The following LINGO2 variants were observed in gnomAD, a reference collection of about 807,000 sequenced individuals.
LINGO2 encodes leucine-rich repeat and immunoglobulin-like domain-containing nogo receptor-interacting protein 2.
In LINGO2, 14 loss-of-function variants were observed where a neutral mutation model predicts 30.6. That is an observed-to-expected ratio of 0.46 (90% CI 0.30 to 0.72). The LOEUF is 0.72. Ranked by LOEUF, LINGO2 falls within the 30% of genes least tolerant of loss-of-function variation. The pLI is 0.07. For missense variants in LINGO2, 729 were observed against 751.7 expected (o/e 0.97, Z 0.35); for synonymous variants, 317 against 288.5 (o/e 1.10, Z -1.00).
In LINGO2 at chr9:28,072,493, A is replaced by G. The variant is rs142597067; in HGVS notation, c.-86-60088T>C. Among the ~76,000 whole-genome samples, 58 of 152,326 alleles carry G rather than the reference A, an allele frequency of 3.8e-4. 2 individuals carry two copies. The East Asian group carries it at 0.011, about 28-fold the overall frequency. ...GTACAGAAATGGATCTTGATGAACTATTTCAGCTAGACTAGACCTGTCAGG... is the reference window on the plus strand; with the variant it reads ...GTACAGAAATGGATCTTGATGAACTGTTTCAGCTAGACTAGACCTGTCAGG... On this transcript the variant is annotated intron_variant, in intron 4 of 5. Coordinates refer to ENST00000379992, the Ensembl canonical transcript of LINGO2.
chr9:28,752,816 A>T, the LINGO2 span, among the ~76,000 whole-genome samples: 21 of 152,176 alleles, frequency 1.4e-4, no homozygotes, highest in East Asian at 3.9e-3. Context: ...GGAGTGTGAC[A>T]GCCTAATTAA....
At chr9:28,401,861 T>C (rs1252811440) in intron 2 of LINGO2, among the ~76,000 whole-genome samples, 2 of 152,230 alleles carry the variant, frequency 1.3e-5, no homozygotes, top group Admixed American at 6.5e-5. Context: ...CACTGTGGTT[T>C]TGATTCGTAT....
chr9:28,629,207 T>C (rs1826820711), intron 1 of LINGO2, among the ~76,000 whole-genome samples: 2 of 152,024 alleles, frequency 1.3e-5, no homozygotes, highest in Admixed American at 1.3e-4. Flanking sequence ...AGATGGGTGA[T>C]GTGCCGCTCC....
chr9:29,174,957 G>C, the LINGO2 span, among the ~76,000 whole-genome samples: 1 of 152,166 alleles, frequency 6.6e-6, no homozygotes, highest in African/African-American at 2.4e-5. Context: ...AGTTCTCTGA[G>C]CCTTTCATTA....
At chr9:29,120,835 T>C in the LINGO2 span, among the ~76,000 whole-genome samples, 5 of 152,192 alleles carry the variant, frequency 3.3e-5, no homozygotes, top group African/African-American at 1.2e-4. Flanking sequence ...ATAAAGTTCA[T>C]TAGTAGAACT....
the LINGO2 span, among the ~76,000 whole-genome samples, chr9:29,194,259 C>T: frequency 5.3e-5 from 8 of 152,134 alleles, no homozygotes; most frequent in African/African-American, 1.9e-4. Context: ...AAGCACCCCC[C>T]GGAGCCCATG....
At chr9:28,833,783 G>A in the LINGO2 span, among the ~76,000 whole-genome samples, 18,210 of 152,130 alleles carry the variant, frequency 0.12, 1,386 homozygotes, top group Non-Finnish European at 0.17. Context: ...AAGAAAGCAC[G>A]TTTCTATTTA....
intron 4 of LINGO2, among the ~76,000 whole-genome samples, chr9:28,244,838 A>G (rs1225232182): frequency 6.6e-6 from 1 of 150,506 alleles, no homozygotes; most frequent in Non-Finnish European, 1.5e-5. Flanking sequence ...AAAAAAGCCC[A>G]GGACCACATG....
the LINGO2 span, among the ~76,000 whole-genome samples, chr9:28,688,837 C>T: frequency 6.6e-6 from 1 of 152,110 alleles, no homozygotes; most frequent in African/African-American, 2.4e-5. Flanking sequence ...TATTACTATA[C>T]AGATATCTGT....
At chr9:28,863,999 C>G in the LINGO2 span, among the ~76,000 whole-genome samples, 5 of 151,988 alleles carry the variant, frequency 3.3e-5, no homozygotes, top group Non-Finnish European at 7.4e-5. Flanking sequence ...GGGTTCTGCT[C>G]ATCAAAATAA....
chr9:28,916,117 G>A, the LINGO2 span, among the ~76,000 whole-genome samples: 1 of 152,126 alleles, frequency 6.6e-6, no homozygotes, highest in East Asian at 1.9e-4. Flanking sequence ...ATTCAGGCAT[G>A]ATTGACCAGC....
At chr9:28,929,508 A>C in the LINGO2 span, among the ~76,000 whole-genome samples, 1 of 152,134 alleles carries the variant, frequency 6.6e-6, no homozygotes, top group Non-Finnish European at 1.5e-5. Flanking sequence ...TTACCCAGAA[A>C]ATGGACAAGG....
chr9:28,021,835 A>G (rs112501836), intron 4 of LINGO2, among the ~76,000 whole-genome samples: 5 of 149,286 alleles, frequency 3.3e-5, no homozygotes, highest in African/African-American at 5.0e-5. Context: ...AATTTTTTCC[A>G]TCTTTGTTTT....
chr9:28,413,795 G>A (rs909875802), intron 2 of LINGO2, among the ~76,000 whole-genome samples: 1 of 152,072 alleles, frequency 6.6e-6, no homozygotes, highest in Non-Finnish European at 1.5e-5. Flanking sequence ...TGCTTTGTCT[G>A]TGTTATAAAT....
intron 1 of LINGO2, among the ~76,000 whole-genome samples, chr9:28,632,933 T>C (rs1405486886): frequency 2.2e-5 from 3 of 137,462 alleles, no homozygotes; most frequent in Non-Finnish European, 4.6e-5. Flanking sequence ...AGGTATTAAC[T>C]TATATGCTCA....
intron 1 of LINGO2, among the ~76,000 whole-genome samples, chr9:28,553,639 T>C (rs1464859432): frequency 2.6e-5 from 4 of 151,788 alleles, no homozygotes; most frequent in African/African-American, 7.3e-5. Flanking sequence ...ATTCAGGAAA[T>C]ACAGAGAACG....
At chr9:28,360,820 T>C (rs141622279) in intron 3 of LINGO2, among the ~76,000 whole-genome samples, 86 of 152,254 alleles carry the variant, frequency 5.6e-4, no homozygotes, top group Non-Finnish European at 8.5e-4. Context: ...TGGCCAGCAC[T>C]TCTCTTCTTC....
the LINGO2 span, among the ~76,000 whole-genome samples, chr9:28,748,018 C>A: frequency 1.3e-5 from 2 of 152,042 alleles, no homozygotes; most frequent in Non-Finnish European, 2.9e-5. Context: ...GAAGGAACAA[C>A]TTTCTTTGCA....
At chr9:28,819,969 A>C in the LINGO2 span, among the ~76,000 whole-genome samples, 1 of 152,222 alleles carries the variant, frequency 6.6e-6, no homozygotes, top group South Asian at 2.1e-4. Flanking sequence ...CACCCTCTGA[A>C]TCAAATGGTC....
Sources: allele counts gnomAD v4.1 joint callset (sites outside exome capture counted in the v4.1 genomes callset), GRCh38; gene constraint gnomAD v4.1.1; transcripts MANE v1.5; gene names NCBI Gene and HGNC (gene_info 2026-07-23, HGNC 2026-07-21).